Variants in CADPS2 observed in about 807,000 individuals in gnomAD.
CADPS2 encodes the protein calcium dependent secretion activator 2, also known as calcium-dependent secretion activator 2.
In CADPS2, 93 loss-of-function variants were observed where a neutral mutation model predicts 172.5. The ratio of observed to expected loss-of-function variants is 0.54; its 90% CI spans 0.46 to 0.64. The LOEUF is 0.64. CADPS2 is among the 30% of genes least tolerant of loss of function. The pLI, the probability that CADPS2 is intolerant of heterozygous loss-of-function variation, is 0.00. For synonymous variants in CADPS2, 546 were observed against 555.2 expected (o/e 0.98, Z 0.23); for missense variants, 1,420 against 1,565.9 (o/e 0.91, Z 1.57).
intron 6 of CADPS2, among the ~76,000 whole-genome samples, chr7:122,593,699 T>C (rs1416350976): frequency 6.6e-6 from 1 of 151,548 alleles, no homozygotes; most frequent in Non-Finnish European, 1.5e-5. Flanking sequence ...TTTCATAAAA[T>C]GGTGACACTA....
intron 1 of CADPS2, among the ~76,000 whole-genome samples, chr7:122,755,002 A>G (rs2093100812): frequency 1.3e-5 from 2 of 152,166 alleles, no homozygotes; most frequent in Admixed American, 6.5e-5. Flanking sequence ...TTAGAACTTT[A>G]TATCTAAATA....
intron 20 of CADPS2, among the ~76,000 whole-genome samples, chr7:122,399,660 CTTTTTTTTTTTTTTTTTTTTTTTTTTTT>C (rs1008163151): frequency 2.1e-4 from 11 of 51,228 alleles, no homozygotes; most frequent in African/African-American, 3.4e-4. Context: ...GGGTGGGTTT[CTTTTTTTTTTTTTTTTTTTTTTTTTTTT>C]TTTTTTTTTT....
At chr7:122,818,635 C>G (rs554195605) in intron 1 of CADPS2, among the ~76,000 whole-genome samples, 2 of 152,244 alleles carry the variant, frequency 1.3e-5, no homozygotes, top group South Asian at 2.1e-4. Context: ...AATTCTTCCT[C>G]AGCATCTGCT....
chr7:122,437,749 T>C (rs967425825), intron 17 of CADPS2, among the ~76,000 whole-genome samples: 3 of 151,772 alleles, frequency 2.0e-5, no homozygotes, highest in African/African-American at 7.3e-5. Context: ...CAAATTCCAA[T>C]CTACTTATTT....
chr7:122,717,189 T>A (rs186286564), intron 2 of CADPS2, among the ~76,000 whole-genome samples: 1 of 152,242 alleles, frequency 6.6e-6, no homozygotes, highest in African/African-American at 2.4e-5. Context: ...CTTGTTATAA[T>A]TGTGAGTTAA....
At chr7:122,771,800 AAG>A (rs1315610981) in intron 1 of CADPS2, among the ~76,000 whole-genome samples, 1 of 152,210 alleles carries the variant, frequency 6.6e-6, no homozygotes, top group Non-Finnish European at 1.5e-5. Context: ...AAGGCTAAAA[AAG>A]AGAAACTGTG....
At chr7:122,441,096 T>C (rs1357517490) in intron 16 of CADPS2, among the ~76,000 whole-genome samples, 1 of 152,204 alleles carries the variant, frequency 6.6e-6, no homozygotes, top group East Asian at 1.9e-4. Flanking sequence ...TGAAATGATA[T>C]ATTTGTGAAT....
chr7:122,573,520 C>T (rs536818817), intron 7 of CADPS2, among the ~76,000 whole-genome samples: 7 of 152,022 alleles, frequency 4.6e-5, no homozygotes, highest in African/African-American at 1.7e-4. Context: ...AGAGTGAGAC[C>T]GTCAAAAACA....
chr7:122,861,849 C>T (rs1021462574), intron 1 of CADPS2, among the ~76,000 whole-genome samples: 2 of 152,136 alleles, frequency 1.3e-5, no homozygotes, highest in African/African-American at 4.8e-5. Flanking sequence ...ATAAACAAAA[C>T]CAGACTGCAT....
At chr7:122,362,652 A>T (rs1461828345) in intron 25 of CADPS2, among the ~76,000 whole-genome samples, 1 of 152,204 alleles carries the variant, frequency 6.6e-6, no homozygotes, top group Non-Finnish European at 1.5e-5. Context: ...CACATTATAG[A>T]TTCCCAAAGG....
intron 2 of CADPS2, among the ~76,000 whole-genome samples, chr7:122,680,188 C>T (rs903395703): frequency 2.0e-5 from 3 of 152,296 alleles, no homozygotes; most frequent in Admixed American, 6.5e-5. Flanking sequence ...TCCATGAATT[C>T]CAAAGATTTG....
intron 1 of CADPS2, among the ~76,000 whole-genome samples, chr7:122,842,965 T>C (rs1810978105): frequency 6.6e-6 from 1 of 152,190 alleles, no homozygotes; most frequent in Non-Finnish European, 1.5e-5. Context: ...GAAAATGTTT[T>C]TAAGAAGGAA....
At chr7:122,771,307 G>C (rs770377503) in intron 1 of CADPS2, among the ~76,000 whole-genome samples, 1 of 152,156 alleles carries the variant, frequency 6.6e-6, no homozygotes, top group Non-Finnish European at 1.5e-5. Context: ...AGAACACTCC[G>C]GTAGCAATGA....
intron 2 of CADPS2, among the ~76,000 whole-genome samples, chr7:122,663,799 C>T (rs2430034): frequency 0.71 from 108,418 of 152,096 alleles, 38,818 homozygotes; most frequent in Middle Eastern, 0.78. Flanking sequence ...GTAAAAAATA[C>T]CAGTAAGATG....
At chr7:122,341,660 T>G (rs887891480) in intron 28 of CADPS2, among the ~76,000 whole-genome samples, 1 of 152,168 alleles carries the variant, frequency 6.6e-6, no homozygotes, top group Admixed American at 6.5e-5. Context: ...AGAAATACGA[T>G]TTCAAAGTTT....
At chr7:122,625,343 T>C (rs1446806250) in intron 4 of CADPS2, among the ~76,000 whole-genome samples, 3 of 152,142 alleles carry the variant, frequency 2.0e-5, no homozygotes, top group African/African-American at 7.2e-5. Context: ...AGCCACCGCA[T>C]CTAGCCCAAT....
At chr7:122,679,855 C>T (rs2082835165) in intron 2 of CADPS2, among the ~76,000 whole-genome samples, 2 of 152,220 alleles carry the variant, frequency 1.3e-5, no homozygotes, top group African/African-American at 2.4e-5. Flanking sequence ...TCTCACAATC[C>T]TAATCTTGTG....
intron 3 of CADPS2, among the ~76,000 whole-genome samples, chr7:122,649,978 C>T (rs1387169074): frequency 8.3e-6 from 1 of 120,930 alleles, no homozygotes; most frequent in Non-Finnish European, 1.6e-5. Flanking sequence ...GGTGTGATCT[C>T]GGCTCACTGC....
At chr7:122,539,819 GTCTC>G (rs747900239) in intron 8 of CADPS2, among the ~76,000 whole-genome samples, 15 of 145,276 alleles carry the variant, frequency 1.0e-4, no homozygotes, top group East Asian at 2.1e-4. Flanking sequence ...CTGTCTTTCT[GTCTC>G]TCTCTTTCTT....
Sources: allele counts gnomAD v4.1 joint callset (sites outside exome capture counted in the v4.1 genomes callset), GRCh38; gene constraint gnomAD v4.1.1; transcripts MANE v1.5; gene names NCBI Gene and HGNC (gene_info 2026-07-23, HGNC 2026-07-21).